RANBP2: variants seen among roughly 807,000 people sequenced by gnomAD.
RANBP2 encodes E3 SUMO-protein ligase RanBP2.
A neutral mutation model predicts 303.6 loss-of-function variants in RANBP2; 57 were observed. The ratio of observed to expected loss-of-function variants is 0.19; its 90% CI spans 0.15 to 0.23. The LOEUF (loss-of-function observed/expected upper bound fraction) is 0.23, where lower values mean the gene tolerates loss of function less well. RANBP2 is among the 10% of genes least tolerant of loss of function. The pLI is 1.00. For synonymous variants in RANBP2, 1,167 were observed against 1,301.5 expected, an observed-to-expected ratio of 0.90 and a Z score of 2.23; for missense variants, 3,138 against 3,780.8, an observed-to-expected ratio of 0.83 and a Z score of 4.46.
chr2:108,808,881 A>G, the RANBP2 span, among the ~76,000 whole-genome samples: 5 of 152,084 alleles, frequency 3.3e-5, no homozygotes, highest in Admixed American at 6.5e-5. Flanking sequence ...TCTTATCCAT[A>G]GTATCTTTGC....
the RANBP2 span, among the ~76,000 whole-genome samples, chr2:109,159,894 A>G: frequency 1.0e-3 from 155 of 152,320 alleles, 1 homozygote; most frequent in Non-Finnish European, 2.0e-3. Context: ...AAGCAAACTC[A>G]TGGCTCCAAC....
intron 6 of RANBP2, among the ~76,000 whole-genome samples, chr2:108,737,335 C>CT (rs201427498): frequency 0.039 from 4,600 of 116,916 alleles, 217 homozygotes; most frequent in African/African-American, 0.06. Flanking sequence ...TTCTTTCTTT[C>CT]TTTTTTTTTT....
chr2:109,522,282 T>A, the RANBP2 span, among the ~76,000 whole-genome samples: 1 of 149,252 alleles, frequency 6.7e-6, no homozygotes, highest in Non-Finnish European at 1.5e-5. Context: ...TTTCTTTTTT[T>A]TAAAAAAAAA....
chr2:109,491,035 AT>A, the RANBP2 span: 1 of 1,203,950 alleles, frequency 8.3e-7, no homozygotes, highest in Non-Finnish European at 1.1e-6. Flanking sequence ...CCTTGCTGGG[AT>A]TAGGTTTACC....
intron 12 of RANBP2, among the ~76,000 whole-genome samples, chr2:108,752,238 C>G (rs1342174125): frequency 1.3e-5 from 2 of 151,242 alleles, no homozygotes; most frequent in East Asian, 1.9e-4. Context: ...TAATTAAGTT[C>G]TGATAATTAT....
At chr2:109,019,685 T>C in the RANBP2 span, among the ~76,000 whole-genome samples, 26 of 152,198 alleles carry the variant, frequency 1.7e-4, no homozygotes, top group Non-Finnish European at 3.1e-4. Context: ...TGCCAATATG[T>C]AATTCCTACT....
chr2:109,345,749 A>C, the RANBP2 span, among the ~76,000 whole-genome samples: 1 of 152,214 alleles, frequency 6.6e-6, no homozygotes, highest in Non-Finnish European at 1.5e-5. Context: ...TAGAACAGGG[A>C]ACCTTACTCT....
At chr2:109,044,595 G>A in the RANBP2 span, among the ~76,000 whole-genome samples, 2 of 36,496 alleles carry the variant, frequency 5.5e-5, no homozygotes, top group African/African-American at 7.6e-5. Context: ...TTATGGAATT[G>A]TCCTTATCTG....
chr2:109,084,114 A>G, the RANBP2 span, among the ~76,000 whole-genome samples: 30,870 of 152,128 alleles, frequency 0.2, 3,930 homozygotes, highest in Middle Eastern at 0.3. Context: ...GCCTCCCCCA[A>G]GTAGCTCCAT....
the RANBP2 span, among the ~76,000 whole-genome samples, chr2:109,249,532 T>TTTCTTTATTTCC: frequency 1.0e-5 from 1 of 96,450 alleles, no homozygotes; most frequent in Non-Finnish European, 2.0e-5. Flanking sequence ...TCTTTCTTTC[T>TTTCTTTATTTCC]TTCCTTCCTT....
the RANBP2 span, among the ~76,000 whole-genome samples, chr2:109,053,962 G>A: frequency 3.1e-4 from 47 of 152,314 alleles, 1 homozygote; most frequent in African/African-American, 1.1e-3. Context: ...TCTGGGGCCA[G>A]TTCAAGGGAA....
chr2:108,722,527 G>C (rs1164692169), intron 1 of RANBP2, among the ~76,000 whole-genome samples: 1 of 151,522 alleles, frequency 6.6e-6, no homozygotes, highest in Non-Finnish European at 1.5e-5. Flanking sequence ...GAATGTCGGA[G>C]TTTTGGAGTG....
the RANBP2 span, among the ~76,000 whole-genome samples, chr2:109,634,780 A>G: frequency 2.0e-5 from 3 of 150,818 alleles, no homozygotes; most frequent in Admixed American, 6.7e-5. Flanking sequence ...TTAGATTAGC[A>G]TAAAGATTAT....
the RANBP2 span, among the ~76,000 whole-genome samples, chr2:109,580,796 C>T: frequency 7.9e-5 from 12 of 152,186 alleles, no homozygotes; most frequent in Admixed American, 1.3e-4. Context: ...GAAATAAATG[C>T]CCTCTTTTAT....
At chr2:109,359,359 A>G in the RANBP2 span, among the ~76,000 whole-genome samples, 1 of 152,338 alleles carries the variant, frequency 6.6e-6, no homozygotes, top group Admixed American at 6.5e-5. Context: ...CAACAAGTTG[A>G]AAAGAACTGA....
chr2:108,993,500 G>GA, the RANBP2 span, among the ~76,000 whole-genome samples: 1 of 152,170 alleles, frequency 6.6e-6, no homozygotes, highest in Non-Finnish European at 1.5e-5. Context: ...GCAAAATGAG[G>GA]AAAGGGAGAG....
the RANBP2 span, among the ~76,000 whole-genome samples, chr2:109,452,876 A>AG: frequency 1.0e-5 from 1 of 99,778 alleles, no homozygotes; most frequent in Non-Finnish European, 2.0e-5. Context: ...GGCTGGTGCC[A>AG]GGAGGCTGGT....
the RANBP2 span, among the ~76,000 whole-genome samples, chr2:108,926,711 T>G: frequency 6.6e-6 from 1 of 152,182 alleles, no homozygotes; most frequent in African/African-American, 2.4e-5. Context: ...TGCTGCTCAT[T>G]GTTCAGCAAG....
chr2:108,777,205 C>T lies in RANBP2; in HGVS notation c.8573C>T (p.Ser2858Phe). The T allele has an allele frequency of 6.2e-7, 1 of 1,613,434 alleles. No homozygotes were observed. The highest frequency in any genetic ancestry group is 8.5e-7 in the Non-Finnish European group (1 of 1,179,578). Reference protein sequence around the residue: ...LSFADLASSNSGDFAFGSKDK... With the variant: ...LSFADLASSNFGDFAFGSKDK... ...TTTGCAGACTTGGCTTCCAGTAATT[C>T]TGGAGATTTTGCTTTTGGTTCTAAA... The change falls in exon 25 of 29, where the codon TCT becomes TTT. Residue 2858 changes from serine (S) to phenylalanine (F), a missense_variant. This residue lies in a region of RANBP2 where 497 missense variants were observed against 465.8 expected (regional missense o/e 1.07). Transcript: ENST00000283195.
Sources: allele counts gnomAD v4.1 joint callset (sites outside exome capture counted in the v4.1 genomes callset), GRCh38; gene constraint gnomAD v4.1.1; regional missense constraint gnomAD v4.1.1; transcripts MANE v1.5; gene names NCBI Gene and HGNC (gene_info 2026-07-23, HGNC 2026-07-21).